Variants in U2AF2 observed in about 807,000 individuals in gnomAD.
U2AF2 encodes the protein splicing factor U2AF 65 kDa subunit.
U2AF2 carries 6 observed loss-of-function variants against 52.6 expected under a neutral mutation model. That is an observed-to-expected ratio of 0.11 (90% CI 0.06 to 0.23). U2AF2 has a LOEUF of 0.23. Among genes scored for constraint, U2AF2 ranks in the 10% least tolerant of loss-of-function variants. The pLI is 1.00. For synonymous variants in U2AF2, 284 were observed against 258.2 expected (o/e 1.10, Z -0.96); for missense variants, 222 against 677.1 (o/e 0.33, Z 7.46).
At chr19:55,659,019 C>G (rs1050662010) in intron 1 of U2AF2, 191 bp from the exon 2 acceptor site, 1 of 882,430 alleles carries the variant, frequency 1.1e-6, no homozygotes, top group South Asian at 4.4e-5. Context: ...GGCCCCGTCC[C>G]CCTGGTCCCC....
intron 3 of U2AF2, 74 bp from the exon 4 acceptor site, chr19:55,660,442 G>A: frequency 8.4e-7 from 1 of 1,187,142 alleles, no homozygotes; most frequent in Non-Finnish European, 1.2e-6. Flanking sequence ...AGGGTGCCTG[G>A]GAGGGGGCTC....
chr19:55,659,220 G>A lies in U2AF2; in HGVS notation c.60G>A (p.Lys20=). The change falls in exon 2 of 12, where the codon AAG becomes AAA. Residue 20 remains lysine (K), a synonymous_variant. Coordinates refer to ENST00000308924, the MANE Select transcript of U2AF2 (RefSeq NM_007279.3). ...QLNENKQERD[K]ENRHRKRSHS... ...CTCACCCTTGCCCAGAGCGGGACAA[G>A]GAGAACCGGCATCGGAAGCGCAGCC... 6.3e-7 allele frequency: 1 copy of A among 1,592,750 alleles called. No homozygotes were observed. The highest frequency in any genetic ancestry group is 8.6e-7 in the Non-Finnish European group (1 of 1,167,952).
chr19:55,668,911 C>T lies in U2AF2; in HGVS notation c.945+119C>T. ...GGAGGCGGCCAACCTGAGGCAGTGCCCTGTGTGTGGGCTCGTCCCTGTCCC... is the reference window on the plus strand; with the variant it reads ...GGAGGCGGCCAACCTGAGGCAGTGCTCTGTGTGTGGGCTCGTCCCTGTCCC... On this transcript the variant is annotated intron_variant, in intron 9 of 11. Transcript: ENST00000308924. This position sits in a 1 kb window ranked among gnomAD's most constrained non-coding sequence, Gnocchi z 5.5. The T allele has an allele frequency of 3.3e-6, 5 of 1,527,706 alleles. No homozygotes were observed. Among genetic ancestry groups the T allele is most frequent in the South Asian group, 1.2e-5 (1 of 80,266 alleles). The allele number at this position is 1,527,706 out of a possible 1,614,324, so 94.6% of individuals were successfully genotyped here.
chr19:55,664,205 T>TC, intron 7 of U2AF2: 1 of 166,556 alleles, frequency 6.0e-6, no homozygotes, highest in Admixed American at 6.2e-5. Flanking sequence ...TCTGGGCCAT[T>TC]CCCCATAGCT....
chr19:55,659,028 C>T (rs765835988), intron 1 of U2AF2, 182 bp from the exon 2 acceptor site: 17 of 979,820 alleles, frequency 1.7e-5, no homozygotes, highest in Non-Finnish European at 2.3e-5. Flanking sequence ...CCCCTGGTCC[C>T]CTCATGGTCC....
At chr19:55,669,739 C>T in intron 11 of U2AF2, 47 bp downstream of exon 11, 3 of 1,532,298 alleles carry the variant, frequency 2.0e-6, no homozygotes, top group African/African-American at 1.4e-5. Flanking sequence ...TGCCCCTCCT[C>T]TTCTCCGCGC....
chr19:55,660,838 C>T (rs969275346), intron 4 of U2AF2, among the ~76,000 whole-genome samples, 200 bp from the exon 5 acceptor site: 9 of 152,034 alleles, frequency 5.9e-5, no homozygotes, highest in East Asian at 5.8e-4. Context: ...TCCATCTGGA[C>T]GCCATTAGGA....
chr19:55,666,254 C>T (rs970868375), intron 7 of U2AF2, among the ~76,000 whole-genome samples: 2 of 152,176 alleles, frequency 1.3e-5, no homozygotes, highest in Non-Finnish European at 2.9e-5. Context: ...GAAAGAGCTT[C>T]GGGACAATGG....
chr19:55,664,879 G>A (rs571324415), intron 7 of U2AF2, among the ~76,000 whole-genome samples: 1 of 152,194 alleles, frequency 6.6e-6, no homozygotes, highest in Admixed American at 6.5e-5. Flanking sequence ...CACCATGTCT[G>A]GCTAATTTTT....
Position 55,662,594 on chromosome 19 carries a change from G to A in U2AF2, c.579G>A (p.Gln193=). The part of the protein sequence containing the change: ...GNPVLAVQIN[Q]DKNFAFLEFR... ...CAGTGTTGGCTGTGCAGATTAACCA[G>A]GACAAGAATTTTGCCTTTTTGGAGG... The change falls in exon 6 of 12, where the codon CAG becomes CAA. Residue 193 remains glutamine (Q), a synonymous_variant. Coordinates refer to ENST00000308924, the MANE Select transcript of U2AF2 (RefSeq NM_007279.3). The A allele has an allele frequency of 1.2e-6, 2 of 1,613,138 alleles. No homozygotes were observed. Among genetic ancestry groups the A allele is most frequent in the Non-Finnish European group, 8.5e-7 (1 of 1,179,658 alleles).
intron 11 of U2AF2, among the ~76,000 whole-genome samples, chr19:55,673,604 T>C (rs1273607190): frequency 6.6e-6 from 1 of 152,194 alleles, no homozygotes; most frequent in East Asian, 1.9e-4. Flanking sequence ...GTGGCTCGTG[T>C]GGAGTAGACA....
At chr19:55,662,177 C>T in intron 5 of U2AF2, 1 of 238,220 alleles carries the variant, frequency 4.2e-6, no homozygotes, top group East Asian at 9.4e-5. Context: ...TTTGTGTTGT[C>T]ATCATGCCCT....
intron 9 of U2AF2, 23 bp from the exon 10 acceptor site, chr19:55,669,060 G>A (rs747024954): frequency 1.1e-4 from 140 of 1,247,106 alleles, no homozygotes; most frequent in Middle Eastern, 5.3e-4. Context: ...CGCACCCCCC[G>A]ACCCCTCATC....
chr19:55,671,853 G>GA (rs1378182630), intron 11 of U2AF2: 1 of 152,268 alleles, frequency 6.6e-6, no homozygotes, highest in Non-Finnish European at 1.5e-5. Flanking sequence ...GCGGCCCGGC[G>GA]AGGTGGCTCA....
intron 7 of U2AF2, 77 bp downstream of exon 7, chr19:55,663,821 T>G: frequency 6.3e-7 from 1 of 1,584,676 alleles, no homozygotes; most frequent in Non-Finnish European, 8.6e-7. Context: ...TCAGCCCAGC[T>G]GGAGTGGCTT....
rs1036544389 is a variant in U2AF2 at position 55,668,375 on chromosome 19, G to A, written c.743-132G>A. 12 of 866,216 alleles carry A rather than the reference G, an allele frequency of 1.4e-5. No individual in the cohort carries two copies. The highest frequency in any genetic ancestry group is 1.0e-4 in the African/African-American group (6 of 58,160). The allele number at this position is 866,216 out of a possible 1,614,324, so 53.7% of individuals were successfully genotyped here. A position where few individuals can be genotyped will look rare whatever the true frequency, so the allele number is the denominator to read the frequency against. ...GATAAGGCTGGGGTGGGGTGGGCACGTGGCGACCCCTCCCTCGTCAGATCA... is the reference window on the plus strand; with the variant it reads ...GATAAGGCTGGGGTGGGGTGGGCACATGGCGACCCCTCCCTCGTCAGATCA... On this transcript the variant is annotated intron_variant, in intron 7 of 11. Transcript: ENST00000308924. This position sits in a 1 kb window ranked among gnomAD's most constrained non-coding sequence, Gnocchi z 5.5.
At chr19:55,660,280 C>T (rs530188416) in intron 3 of U2AF2, 59 bp downstream of exon 3, 16 of 1,571,904 alleles carry the variant, frequency 1.0e-5, no homozygotes, top group East Asian at 2.2e-5. Flanking sequence ...CTTCCTCACG[C>T]CCGTGCACCC....
intron 11 of U2AF2, among the ~76,000 whole-genome samples, chr19:55,673,065 C>T (rs556887571): frequency 1.3e-5 from 2 of 152,128 alleles, no homozygotes; most frequent in Non-Finnish European, 2.9e-5. Flanking sequence ...GGGACAGGCA[C>T]CCGCCATCAT....
chr19:55,668,913 T>G lies in U2AF2; in HGVS notation c.945+121T>G. 3.9e-6 allele frequency: 6 copies of G among 1,523,926 alleles called. No homozygotes were observed. The highest frequency in any genetic ancestry group is 5.3e-6 in the Non-Finnish European group (6 of 1,130,844). 94.4% of individuals were successfully genotyped at this position (1,523,926 alleles called of 1,614,324 possible). A position where few individuals can be genotyped will look rare whatever the true frequency, so the allele number is the denominator to read the frequency against. ...AGGCGGCCAACCTGAGGCAGTGCCC[T>G]GTGTGTGGGCTCGTCCCTGTCCCAT... On this transcript the variant is annotated intron_variant, in intron 9 of 11. Transcript: ENST00000308924. The surrounding 1 kb of genome is among the most constrained non-coding windows in gnomAD (Gnocchi z 5.5).
Sources: gnomAD v4.1 joint callset for allele counts (sites outside exome capture counted in the v4.1 genomes callset) on GRCh38, gnomAD v4.1.1 for gene constraint, Gnocchi (gnomAD v3.1) non-coding constraint, MANE v1.5 for transcripts, NCBI Gene and HGNC (gene_info 2026-07-23, HGNC 2026-07-21) for gene names.